The following PRH1 variants were observed in gnomAD, a reference collection of about 807,000 sequenced individuals.
PRH1 encodes proline rich protein HaeIII subfamily 1.
PRH1 carries 7 observed loss-of-function variants against 7.9 expected under a neutral mutation model. The observed-to-expected ratio is 0.89, with a 90% confidence interval of 0.50 to 1.67. PRH1 has a LOEUF of 1.67. Ranked by LOEUF, PRH1 falls within the 40% of genes most tolerant of loss-of-function variation. The pLI, the probability that PRH1 is intolerant of heterozygous loss-of-function variation, is 0.00. For synonymous variants in PRH1, 45 were observed against 80.8 expected (o/e 0.56, Z 2.38); for missense variants, 109 against 223.6 (o/e 0.49, Z 3.27).
chr12:11,118,909 C>A (rs867879188), downstream of PRH1, among the ~76,000 whole-genome samples: 2 of 146,906 alleles, frequency 1.4e-5, no homozygotes, highest in Non-Finnish European at 3.0e-5. Flanking sequence ...GCAGGAGAAC[C>A]ACTTGAACCT....
At chr12:10,977,658 C>A (rs942346202) in intron 1 of PRH1, among the ~76,000 whole-genome samples, 2 of 152,076 alleles carry the variant, frequency 1.3e-5, no homozygotes, top group Non-Finnish European at 2.9e-5. Flanking sequence ...CCTAGAAATC[C>A]CAACAGTATT....
chr12:10,985,257 T>G (rs1939554650), intron 1 of PRH1, among the ~76,000 whole-genome samples: 1 of 152,148 alleles, frequency 6.6e-6, no homozygotes, highest in Non-Finnish European at 1.5e-5. Flanking sequence ...GTTCACATAT[T>G]TGTATTAAGT....
intron 1 of PRH1, among the ~76,000 whole-genome samples, chr12:11,006,819 T>A (rs1236879352): frequency 1.3e-5 from 2 of 152,134 alleles, no homozygotes; most frequent in Non-Finnish European, 2.9e-5. Flanking sequence ...ATGAGTTCAA[T>A]GCTGCATTTA....
chr12:11,100,805 C>A (rs990184475), intron 1 of PRH1, among the ~76,000 whole-genome samples: 1 of 151,896 alleles, frequency 6.6e-6, no homozygotes, highest in African/African-American at 2.4e-5. Context: ...ATTTTTTATA[C>A]CTTAAAAAAT....
intron 1 of PRH1, among the ~76,000 whole-genome samples, chr12:11,135,909 G>A (rs983916989): frequency 5.9e-5 from 9 of 152,032 alleles, no homozygotes; most frequent in Admixed American, 2.0e-4. Flanking sequence ...TCTATGAGAC[G>A]TTTCTCCTAA....
At chr12:10,992,423 GAC>G (rs1423745655) in intron 1 of PRH1, among the ~76,000 whole-genome samples, 1 of 152,046 alleles carries the variant, frequency 6.6e-6, no homozygotes, top group African/African-American at 2.4e-5. Context: ...TGTTTTTAGA[GAC>G]AGAGTCTTGT....
At chr12:10,902,523 C>T (rs1949737316) in intron 2 of PRH1, among the ~76,000 whole-genome samples, 1 of 152,024 alleles carries the variant, frequency 6.6e-6, no homozygotes, top group African/African-American at 2.4e-5. Context: ...CAAGAGGACA[C>T]CTGACTGATG....
chr12:11,006,565 G>A (rs1242412247), intron 1 of PRH1, among the ~76,000 whole-genome samples: 3 of 151,726 alleles, frequency 2.0e-5, no homozygotes, highest in Non-Finnish European at 1.5e-5. Context: ...CATTTTTGTG[G>A]AGACAAATTT....
chr12:11,073,959 C>T (rs1244293863), intron 1 of PRH1, among the ~76,000 whole-genome samples: 332 of 149,696 alleles, frequency 2.2e-3, no homozygotes, highest in Non-Finnish European at 3.5e-3. Flanking sequence ...AAGCACAAGA[C>T]TGCGTGCAAC....
At chr12:10,974,049 A>G (rs1372089276) in intron 1 of PRH1, among the ~76,000 whole-genome samples, 1 of 152,268 alleles carries the variant, frequency 6.6e-6, no homozygotes, top group African/African-American at 2.4e-5. Context: ...GGCATTTTTA[A>G]TACTATAGAC....
chr12:11,165,554 A>G (rs574441414), intron 1 of PRH1, among the ~76,000 whole-genome samples: 3 of 152,292 alleles, frequency 2.0e-5, no homozygotes, highest in African/African-American at 7.2e-5. Flanking sequence ...CATTAATCAT[A>G]ATTATTTTTA....
chr12:11,017,193 A>G (rs1194385552), intron 1 of PRH1, among the ~76,000 whole-genome samples: 1 of 152,272 alleles, frequency 6.6e-6, no homozygotes, highest in Non-Finnish European at 1.5e-5. Context: ...TGTGGTAAAA[A>G]CAAGAGCACT....
intron 2 of PRH1, among the ~76,000 whole-genome samples, chr12:10,891,024 C>T (rs967958515): frequency 6.6e-6 from 1 of 152,086 alleles, no homozygotes; most frequent in Non-Finnish European, 1.5e-5. Flanking sequence ...TGAGTCCCTA[C>T]TCTCCTTGAA....
At chr12:10,941,166 C>T (rs1169408845) in intron 2 of PRH1, among the ~76,000 whole-genome samples, 1 of 152,148 alleles carries the variant, frequency 6.6e-6, no homozygotes, top group African/African-American at 2.4e-5. Flanking sequence ...TCTGTTGAGA[C>T]TTCATGGATA....
chr12:10,894,998 C>A (rs919877455), intron 2 of PRH1: 1 of 152,056 alleles, frequency 6.6e-6, no homozygotes, highest in African/African-American at 2.4e-5. Flanking sequence ...CTTCAGGACA[C>A]AGAGAGAAGC....
chr12:10,881,345 G>A (rs775495720), intron 3 of PRH1, among the ~76,000 whole-genome samples: 11 of 152,142 alleles, frequency 7.2e-5, no homozygotes, highest in Admixed American at 3.9e-4. Flanking sequence ...TACAAAGATG[G>A]GCACTGCAAC....
At chr12:10,937,204 TTCTC>T (rs61659284) in intron 2 of PRH1, among the ~76,000 whole-genome samples, 73,867 of 146,934 alleles carry the variant, frequency 0.5, 20,209 homozygotes, top group East Asian at 0.7. Context: ...GCAATTTTAT[TTCTC>T]TCTCTCTCTC....
rs571515902 is a variant in PRH1 at position 11,003,165 on chromosome 12, C to T, written c.-125-29444G>A. On this transcript the variant is annotated intron_variant, in intron 1 of 3. Transcript: ENST00000539853. ...AATTTTTAAAAGTATAAAATTTTAT[C>T]CCTATTTCTTACTACTATAATGCTG... 5.9e-5 allele frequency among the ~76,000 whole-genome samples: 9 copies of T among 151,974 alleles called. No homozygotes were observed. In the South Asian group the frequency reaches 1.9e-3, roughly 32 times the overall value.
chr12:10,983,581 A>G (rs1477675360), intron 1 of PRH1, among the ~76,000 whole-genome samples: 1 of 152,196 alleles, frequency 6.6e-6, no homozygotes, highest in Non-Finnish European at 1.5e-5. Context: ...AACAGCAGAG[A>G]TGGTAGTTCT....
Sources: allele counts gnomAD v4.1 joint callset (sites outside exome capture counted in the v4.1 genomes callset), GRCh38; gene constraint gnomAD v4.1.1; transcripts MANE v1.5; gene names NCBI Gene and HGNC (gene_info 2026-07-23, HGNC 2026-07-21).